The following CNTN4 variants were observed in gnomAD, a reference collection of about 807,000 sequenced individuals.
The protein encoded by CNTN4 is contactin-4.
A neutral mutation model predicts 122.5 loss-of-function variants in CNTN4; 77 were observed. The ratio of observed to expected loss-of-function variants is 0.63; its 90% CI spans 0.52 to 0.76. The LOEUF is 0.76. Ranked by LOEUF, CNTN4 falls within the 30% of genes least tolerant of loss-of-function variation. CNTN4 has a pLI of 0.00. For missense variants in CNTN4, 1,256 were observed against 1,259.1 expected (o/e 1.00, Z 0.04); for synonymous variants, 512 against 447.0 (o/e 1.15, Z -1.83).
intron 2 of CNTN4, among the ~76,000 whole-genome samples, chr3:2,287,770 A>G (rs576493082): frequency 4.7e-5 from 7 of 147,488 alleles, no homozygotes; most frequent in Admixed American, 3.4e-4. Flanking sequence ...GAAGAAGAAG[A>G]AGAAGAAGGA....
At chr3:3,052,925 T>G (rs1345207679) in intron 23 of CNTN4, among the ~76,000 whole-genome samples, 1 of 152,248 alleles carries the variant, frequency 6.6e-6, no homozygotes, top group Non-Finnish European at 1.5e-5. Context: ...TGGCTTGTGC[T>G]CTAACCTTTG....
intron 9 of CNTN4, among the ~76,000 whole-genome samples, chr3:2,884,213 A>T (rs2093944248): frequency 6.6e-6 from 1 of 152,090 alleles, no homozygotes; most frequent in Non-Finnish European, 1.5e-5. Flanking sequence ...TGCTGGGATT[A>T]TAGTCCCTAG....
At chr3:2,499,175 T>C (rs1213041086) in intron 3 of CNTN4, among the ~76,000 whole-genome samples, 2 of 152,228 alleles carry the variant, frequency 1.3e-5, no homozygotes, top group Admixed American at 1.3e-4. Flanking sequence ...AAAATAGTTT[T>C]ATATTTTATA....
chr3:2,219,955 A>G (rs1398878479), intron 2 of CNTN4, among the ~76,000 whole-genome samples: 2 of 152,122 alleles, frequency 1.3e-5, no homozygotes, highest in African/African-American at 4.8e-5. Context: ...TCTACTTCCT[A>G]TTACCCAAGA....
At chr3:2,327,133 A>ATGTGTGTGTG (rs143040725) in intron 2 of CNTN4, among the ~76,000 whole-genome samples, 12 of 149,452 alleles carry the variant, frequency 8.0e-5, no homozygotes, top group Admixed American at 4.0e-4. Flanking sequence ...CTGGGAATAG[A>ATGTGTGTGTG]TGTGTGTGTG....
intron 6 of CNTN4, among the ~76,000 whole-genome samples, chr3:2,812,362 T>A (rs527561474): frequency 1.3e-5 from 2 of 151,860 alleles, no homozygotes; most frequent in South Asian, 4.2e-4. Flanking sequence ...CAGAAGATTA[T>A]AGGAAGAATT....
chr3:2,934,998 G>A (rs540774936), intron 13 of CNTN4, among the ~76,000 whole-genome samples: 52 of 152,210 alleles, frequency 3.4e-4, no homozygotes, highest in African/African-American at 1.3e-3. Context: ...TTACGGCGTT[G>A]AGCTCTCCTG....
intron 7 of CNTN4, among the ~76,000 whole-genome samples, chr3:2,857,992 G>A (rs768022149): frequency 2.0e-5 from 3 of 152,142 alleles, no homozygotes; most frequent in Non-Finnish European, 2.9e-5. Context: ...GTATCCTAAA[G>A]CAGGGGCTAC....
intron 3 of CNTN4, among the ~76,000 whole-genome samples, chr3:2,414,030 C>G (rs990426358): frequency 6.6e-6 from 1 of 152,124 alleles, no homozygotes; most frequent in Non-Finnish European, 1.5e-5. Flanking sequence ...TGGCACAGAG[C>G]TAAACCTCCA....
chr3:2,227,774 A>G (rs1168182928), intron 2 of CNTN4, among the ~76,000 whole-genome samples: 1 of 152,176 alleles, frequency 6.6e-6, no homozygotes, highest in Non-Finnish European at 1.5e-5. Context: ...TCAGTGGCAG[A>G]GAGGAGATTA....
intron 2 of CNTN4, among the ~76,000 whole-genome samples, chr3:2,191,769 T>C (rs1314938682): frequency 1.3e-5 from 2 of 152,022 alleles, no homozygotes; most frequent in Non-Finnish European, 2.9e-5. Flanking sequence ...CTAGGGTACA[T>C]GTGCACAACA....
rs144698561 is a variant in CNTN4 at position 2,809,647 on chromosome 3, G to A, written c.359-9839G>A. On this transcript the variant is annotated intron_variant, in intron 6 of 24. Coordinates refer to ENST00000418658, the MANE Select transcript of CNTN4 (RefSeq NM_175607.3). ...CTAACCATTAACACTCCTGAGTCAG[G>A]ATGATATGAGAAAAGAGATGAGCTC... Among the ~76,000 whole-genome samples, 195 of 152,314 alleles carry A rather than the reference G, an allele frequency of 1.3e-3. 1 individual carries two copies. The highest frequency in any genetic ancestry group is 4.5e-3 in the African/African-American group (189 of 41,578).
intron 12 of CNTN4, among the ~76,000 whole-genome samples, chr3:2,908,089 G>A (rs959479207): frequency 1.3e-5 from 2 of 152,126 alleles, no homozygotes; most frequent in African/African-American, 4.8e-5. Flanking sequence ...GGACATCCCT[G>A]AGGTGCTGTA....
rs182239567 is a variant in CNTN4, at chr3:2,328,267, G to T, written c.-144-10911G>T. On this transcript the variant is annotated intron_variant, in intron 2 of 24. Transcript: ENST00000418658. ...AAAAATACAAAAAAATTAGCCGGGCGTGGTGGCGGGCGCCTGTAGTCCCAG... is the reference window on the plus strand; with the variant it reads ...AAAAATACAAAAAAATTAGCCGGGCTTGGTGGCGGGCGCCTGTAGTCCCAG... Among the ~76,000 whole-genome samples, 61 of 150,384 alleles carry T rather than the reference G, an allele frequency of 4.1e-4. No individual in the cohort carries two copies. In the East Asian group the frequency reaches 0.012, roughly 29 times the overall value.
intron 2 of CNTN4, among the ~76,000 whole-genome samples, chr3:2,223,025 C>T (rs528887885): frequency 6.6e-6 from 1 of 152,282 alleles, no homozygotes; most frequent in East Asian, 1.9e-4. Context: ...ATGTTTTATG[C>T]CCCATTTTGC....
At chr3:3,001,102 A>G (rs1440838239) in intron 14 of CNTN4, among the ~76,000 whole-genome samples, 5 of 152,170 alleles carry the variant, frequency 3.3e-5, no homozygotes, top group Non-Finnish European at 2.9e-5. Flanking sequence ...GAAACACTTG[A>G]GAAGTAAGTT....
chr3:2,638,666 G>T (rs375558758), intron 4 of CNTN4, among the ~76,000 whole-genome samples: 1 of 152,070 alleles, frequency 6.6e-6, no homozygotes, highest in Non-Finnish European at 1.5e-5. Flanking sequence ...CATTTAGCTA[G>T]ACATATACAG....
At chr3:2,292,781 A>T (rs1219093687) in intron 2 of CNTN4, among the ~76,000 whole-genome samples, 1 of 152,218 alleles carries the variant, frequency 6.6e-6, no homozygotes, top group African/African-American at 2.4e-5. Context: ...TCTACAGATG[A>T]ATATATCACA....
At chr3:2,340,682 ATT>A (rs1288886645) in intron 3 of CNTN4, among the ~76,000 whole-genome samples, 1 of 19,244 alleles carries the variant, frequency 5.2e-5, no homozygotes, top group Non-Finnish European at 1.5e-4. Context: ...CTTGTCATAA[ATT>A]TTATATATAT....
Sources: allele counts gnomAD v4.1 joint callset (sites outside exome capture counted in the v4.1 genomes callset), GRCh38; gene constraint gnomAD v4.1.1; transcripts MANE v1.5; gene names NCBI Gene and HGNC (gene_info 2026-07-23, HGNC 2026-07-21).